The following SQOR variants were observed in gnomAD, a reference collection of about 807,000 sequenced individuals.
The protein encoded by SQOR is sulfide:quinone oxidoreductase, mitochondrial.
SQOR carries 39 observed loss-of-function variants against 48.6 expected under a neutral mutation model. The ratio of observed to expected loss-of-function variants is 0.80; its 90% CI spans 0.62 to 1.05. The LOEUF (loss-of-function observed/expected upper bound fraction) is 1.05. SQOR is among the 50% of genes least tolerant of loss of function. The pLI, the probability that SQOR is intolerant of heterozygous loss-of-function variation, is 0.00. For missense variants in SQOR, 561 were observed against 559.9 expected (o/e 1.00, Z -0.02); for synonymous variants, 220 against 206.2 (o/e 1.07, Z -0.57).
At chr15:45,681,660 AT>A (rs1305586423) in intron 6 of SQOR, among the ~76,000 whole-genome samples, 4 of 152,154 alleles carry the variant, frequency 2.6e-5, no homozygotes, top group Non-Finnish European at 5.9e-5. Flanking sequence ...CCACTAGCAA[AT>A]TGATGAATTT....
chr15:45,633,028 TAGG>T (rs2140933192), upstream of SQOR, among the ~76,000 whole-genome samples: 1 of 151,370 alleles, frequency 6.6e-6, no homozygotes, highest in African/African-American at 2.4e-5. Flanking sequence ...GAGGCTGAGG[TAGG>T]AGGACTGTTT....
chr15:45,674,651 G>A (rs1047699774), intron 5 of SQOR, among the ~76,000 whole-genome samples: 1 of 152,000 alleles, frequency 6.6e-6, no homozygotes, highest in African/African-American at 2.4e-5. Context: ...GCAAAAAAAT[G>A]TTCTCATAGA....
chr15:45,671,993 G>C (rs972069703), intron 4 of SQOR, among the ~76,000 whole-genome samples: 1 of 152,036 alleles, frequency 6.6e-6, no homozygotes, highest in Non-Finnish European at 1.5e-5. Flanking sequence ...CTAGATGAGG[G>C]GTCAAAACCA....
At chr15:45,653,161 C>A (rs1889526494) in intron 1 of SQOR, among the ~76,000 whole-genome samples, 1 of 152,124 alleles carries the variant, frequency 6.6e-6, no homozygotes, top group Non-Finnish European at 1.5e-5. Context: ...CCCAATAATT[C>A]AATTCAATTG....
chr15:45,643,174 C>T (rs560721997), intron 1 of SQOR, among the ~76,000 whole-genome samples: 13 of 152,156 alleles, frequency 8.5e-5, no homozygotes, highest in African/African-American at 2.9e-4. Flanking sequence ...ATACAGTGGG[C>T]GCTCAATGAA....
At chr15:45,646,566 A>G (rs920611015) in intron 1 of SQOR, among the ~76,000 whole-genome samples, 3 of 152,216 alleles carry the variant, frequency 2.0e-5, no homozygotes, top group Admixed American at 6.5e-5. Context: ...TTGTATTGCT[A>G]ATATCTTGCT....
At chr15:45,650,398 C>T (rs774411402) in intron 1 of SQOR, among the ~76,000 whole-genome samples, 3 of 152,178 alleles carry the variant, frequency 2.0e-5, no homozygotes, top group Non-Finnish European at 4.4e-5. Context: ...TTTCTTTCTT[C>T]CTTCTGGTGG....
At chr15:45,649,286 G>A (rs1028904293) in intron 1 of SQOR, among the ~76,000 whole-genome samples, 9 of 151,990 alleles carry the variant, frequency 5.9e-5, no homozygotes, top group Non-Finnish European at 1.2e-4. Context: ...CAATCAACAG[G>A]GACTTTACTT....
chr15:45,655,843 C>T (rs1447030917), intron 1 of SQOR, among the ~76,000 whole-genome samples: 1 of 152,010 alleles, frequency 6.6e-6, no homozygotes, highest in Non-Finnish European at 1.5e-5. Context: ...ACCACCATGC[C>T]CAGCTAATTT....
intron 1 of SQOR, among the ~76,000 whole-genome samples, chr15:45,650,609 C>G (rs1347893777): frequency 6.6e-6 from 1 of 152,180 alleles, no homozygotes; most frequent in African/African-American, 2.4e-5. Flanking sequence ...GCTTTTATTC[C>G]CTTATCTGGC....
chr15:45,664,663 C>T (rs1442913410), intron 3 of SQOR, among the ~76,000 whole-genome samples: 1 of 152,090 alleles, frequency 6.6e-6, no homozygotes, highest in African/African-American at 2.4e-5. Context: ...TGACAGTTAC[C>T]ACGGTGCTGA....
intron 3 of SQOR, among the ~76,000 whole-genome samples, chr15:45,666,851 T>TCTCCCCTCCCCTCCC (rs1566919995): frequency 6.4e-5 from 1 of 15,674 alleles, no homozygotes; most frequent in African/African-American, 2.4e-4. Flanking sequence ...CCTCCCCTCC[T>TCTCCCCTCCCCTCCC]CTCCTCTCCC....
chr15:45,670,706 C>T (rs897555508), intron 4 of SQOR, among the ~76,000 whole-genome samples: 6 of 152,078 alleles, frequency 3.9e-5, no homozygotes. Context: ...ACAGAGTTGG[C>T]CCAGTAAGAA....
intron 6 of SQOR, among the ~76,000 whole-genome samples, chr15:45,680,351 C>T (rs1890105838): frequency 6.6e-6 from 1 of 152,148 alleles, no homozygotes; most frequent in Non-Finnish European, 1.5e-5. Flanking sequence ...ACCTTGGCCT[C>T]CCAAAGTGTT....
chr15:45,667,947 T>TC (rs1555401548), intron 3 of SQOR, among the ~76,000 whole-genome samples: 1 of 135,650 alleles, frequency 7.4e-6, no homozygotes, highest in East Asian at 2.3e-4. Context: ...CTTTCTTTTT[T>TC]TTTTTTTTTT....
intron 1 of SQOR, among the ~76,000 whole-genome samples, chr15:45,649,469 T>C (rs1323014775): frequency 6.6e-6 from 1 of 152,222 alleles, no homozygotes; most frequent in Non-Finnish European, 1.5e-5. Flanking sequence ...CCTTATTTAT[T>C]GATGTTTTTC....
intron 1 of SQOR, among the ~76,000 whole-genome samples, chr15:45,655,479 A>T (rs1889584904): frequency 6.6e-6 from 1 of 152,120 alleles, no homozygotes; most frequent in Non-Finnish European, 1.5e-5. Flanking sequence ...TTACTTGGTG[A>T]TTTCTTCTTC....
In SQOR at chr15:45,661,996, T is replaced by A; in HGVS notation, c.276T>A (p.Gly92=). ...YQPIWTLVGA[G]AKQLSSSGRP... is the part of the protein sequence containing the mutation. ...CAATCTGGACACTGGTGGGTGCTGGTGCCAAACAATTGTCCTCATCTGGTC... is the reference window on the plus strand; with the variant it reads ...CAATCTGGACACTGGTGGGTGCTGGAGCCAAACAATTGTCCTCATCTGGTC... The change falls in exon 3 of 10, where the codon GGT becomes GGA. Residue 92 remains glycine (G), a synonymous_variant. Coordinates refer to ENST00000260324, the MANE Select transcript of SQOR (RefSeq NM_021199.4). 1 of 1,614,222 alleles carries A rather than the reference T, an allele frequency of 6.2e-7. No homozygotes were observed. Among genetic ancestry groups the A allele is most frequent in the African/African-American group, 1.3e-5 (1 of 75,068 alleles).
chr15:45,651,347 C>T (rs540745316), intron 1 of SQOR, among the ~76,000 whole-genome samples: 17 of 152,238 alleles, frequency 1.1e-4, no homozygotes, highest in African/African-American at 2.2e-4. Flanking sequence ...TGCTGGCCCG[C>T]GAGCGTCGCT....
Sources: allele counts gnomAD v4.1 joint callset (sites outside exome capture counted in the v4.1 genomes callset), GRCh38; gene constraint gnomAD v4.1.1; transcripts MANE v1.5; gene names NCBI Gene and HGNC (gene_info 2026-07-23, HGNC 2026-07-21).